Variants in GALNTL6 observed in about 807,000 individuals in gnomAD.
GALNTL6 encodes polypeptide N-acetylgalactosaminyltransferase-like 6.
In GALNTL6, 46 loss-of-function variants were observed where a neutral mutation model predicts 73.7. The observed-to-expected ratio is 0.62, with a 90% confidence interval of 0.49 to 0.80. The LOEUF is 0.80. Among genes scored for constraint, GALNTL6 ranks in the 30% least tolerant of loss-of-function variants. GALNTL6 has a pLI of 0.00. For synonymous variants in GALNTL6, 259 were observed against 263.7 expected, an observed-to-expected ratio of 0.98 and a Z score of 0.17; for missense variants, 604 against 755.0, an observed-to-expected ratio of 0.80 and a Z score of 2.34.
intron 3 of GALNTL6, among the ~76,000 whole-genome samples, chr4:172,299,257 T>A (rs1739812434): frequency 6.6e-6 from 1 of 152,204 alleles, no homozygotes; most frequent in Non-Finnish European, 1.5e-5. Context: ...TTCTTCTCTC[T>A]TTTCTTCTTT....
chr4:172,536,169 G>A (rs1735338940), intron 5 of GALNTL6, among the ~76,000 whole-genome samples: 2 of 152,172 alleles, frequency 1.3e-5, no homozygotes, highest in African/African-American at 4.8e-5. Context: ...CCCCAGCTAT[G>A]TGGATCTGAG....
chr4:172,501,374 C>G (rs552562196), intron 5 of GALNTL6, among the ~76,000 whole-genome samples: 2 of 152,230 alleles, frequency 1.3e-5, no homozygotes, highest in Non-Finnish European at 2.9e-5. Flanking sequence ...TTTCTCATAA[C>G]TCATACATGC....
At chr4:172,647,607 G>T (rs1339995678) in intron 5 of GALNTL6, among the ~76,000 whole-genome samples, 3 of 151,994 alleles carry the variant, frequency 2.0e-5, no homozygotes, top group African/African-American at 7.2e-5. Context: ...ACCACTGTCT[G>T]ATCTGCCCAT....
intron 5 of GALNTL6, among the ~76,000 whole-genome samples, chr4:172,631,611 A>C (rs541404761): frequency 3.3e-5 from 5 of 152,336 alleles, no homozygotes; most frequent in African/African-American, 9.6e-5. Flanking sequence ...GTATCTATTC[A>C]ACCATTTCAA....
intron 2 of GALNTL6, among the ~76,000 whole-genome samples, chr4:172,114,395 G>A (rs933382284): frequency 6.6e-6 from 1 of 152,004 alleles, no homozygotes; most frequent in Non-Finnish European, 1.5e-5. Flanking sequence ...AAGGGTATAA[G>A]TCATTCGTTC....
At chr4:172,280,347 C>G (rs563050585) in intron 3 of GALNTL6, among the ~76,000 whole-genome samples, 1 of 152,252 alleles carries the variant, frequency 6.6e-6, no homozygotes, top group East Asian at 1.9e-4. Flanking sequence ...AGGGAACATT[C>G]ACAAGGTGGG....
intron 5 of GALNTL6, among the ~76,000 whole-genome samples, chr4:172,480,786 T>C (rs1188939200): frequency 6.6e-6 from 1 of 152,184 alleles, no homozygotes; most frequent in African/African-American, 2.4e-5. Context: ...CTCTATCACA[T>C]GTTCTGGGAG....
intron 2 of GALNTL6, among the ~76,000 whole-genome samples, chr4:171,897,767 A>C (rs902340230): frequency 2.6e-5 from 4 of 151,548 alleles, no homozygotes; most frequent in African/African-American, 9.7e-5. Flanking sequence ...TTCTACTAAA[A>C]ATGCAAAAAA....
chr4:172,282,783 T>C (rs1295037118), intron 3 of GALNTL6, among the ~76,000 whole-genome samples: 1 of 152,096 alleles, frequency 6.6e-6, no homozygotes, highest in African/African-American at 2.4e-5. Context: ...AAAATGTATT[T>C]TGGAGGCGTA....
intron 2 of GALNTL6, among the ~76,000 whole-genome samples, chr4:171,855,213 C>A (rs543573014): frequency 1.3e-5 from 2 of 152,130 alleles, no homozygotes; most frequent in African/African-American, 2.4e-5. Flanking sequence ...CATATTCACC[C>A]GTACCGTATC....
chr4:172,449,065 G>C (rs1215298434), intron 5 of GALNTL6, among the ~76,000 whole-genome samples: 2 of 152,078 alleles, frequency 1.3e-5, no homozygotes, highest in Non-Finnish European at 2.9e-5. Flanking sequence ...CTATCTTCTG[G>C]CCATTGATTC....
intron 3 of GALNTL6, among the ~76,000 whole-genome samples, chr4:172,294,641 C>T (rs1739599750): frequency 1.3e-5 from 2 of 150,522 alleles, no homozygotes; most frequent in Admixed American, 1.3e-4. Flanking sequence ...AAAAAAAAAA[C>T]ACTTTATCAT....
intron 5 of GALNTL6, among the ~76,000 whole-genome samples, chr4:172,745,059 G>C (rs566220276): frequency 4.5e-4 from 68 of 152,008 alleles, no homozygotes; most frequent in African/African-American, 1.6e-3. Flanking sequence ...AGGCTTGAAA[G>C]GATATGAGAA....
At chr4:172,482,269 G>C (rs994935020) in intron 5 of GALNTL6, among the ~76,000 whole-genome samples, 2 of 152,180 alleles carry the variant, frequency 1.3e-5, no homozygotes, top group Admixed American at 6.5e-5. Flanking sequence ...ACACCTCCCC[G>C]CAAGCAGAGG....
At chr4:172,113,373 G>C (rs999304239) in intron 2 of GALNTL6, among the ~76,000 whole-genome samples, 1 of 151,964 alleles carries the variant, frequency 6.6e-6, no homozygotes, top group Non-Finnish European at 1.5e-5. Context: ...AACAAGAGGA[G>C]CAATTTGAGC....
chr4:172,875,585 C>T (rs1745152130), intron 7 of GALNTL6, among the ~76,000 whole-genome samples: 1 of 152,058 alleles, frequency 6.6e-6, no homozygotes, highest in Non-Finnish European at 1.5e-5. Flanking sequence ...TGGGTGACCC[C>T]AGCAGATTGT....
chr4:172,780,649 T>C (rs1739326741), intron 5 of GALNTL6, among the ~76,000 whole-genome samples: 1 of 152,250 alleles, frequency 6.6e-6, no homozygotes, highest in African/African-American at 2.4e-5. Flanking sequence ...ACTGTGTCAG[T>C]GTGGATGATG....
chr4:172,272,619 G>A (rs7699559), intron 3 of GALNTL6, among the ~76,000 whole-genome samples: 19,127 of 152,138 alleles, frequency 0.13, 1,297 homozygotes, highest in East Asian at 0.3. Context: ...ATGGTTTGTG[G>A]TGTATGACTG....
At chr4:172,313,327 G>A (rs774173629) in intron 4 of GALNTL6, among the ~76,000 whole-genome samples, 12 of 151,940 alleles carry the variant, frequency 7.9e-5, no homozygotes, top group South Asian at 2.1e-4. Flanking sequence ...GATTTCACCT[G>A]TTAGCCAGGA....
Sources: gnomAD v4.1 joint callset for allele counts (sites outside exome capture counted in the v4.1 genomes callset) on GRCh38, gnomAD v4.1.1 for gene constraint, MANE v1.5 for transcripts, NCBI Gene and HGNC (gene_info 2026-07-23, HGNC 2026-07-21) for gene names.